AXIN1: variants seen among roughly 807,000 people sequenced by gnomAD.
AXIN1 encodes the protein axin 1.
Under a neutral mutation model 76.4 loss-of-function variants are expected in AXIN1, and 30 were observed. The observed-to-expected ratio is 0.39, with a 90% CI of 0.29 to 0.53. The LOEUF is 0.53. Among genes scored for constraint, AXIN1 ranks in the 20% least tolerant of loss-of-function variants. The pLI is 0.66. For synonymous variants in AXIN1, 545 were observed against 501.4 expected (o/e 1.09, Z -1.16); for missense variants, 1,140 against 1,198.8 (o/e 0.95, Z 0.72).
chr16:310,171 A>C (rs1359681494), intron 3 of AXIN1, 102 bp from the exon 4 acceptor site: 1 of 1,042,160 alleles, frequency 9.6e-7, no homozygotes, highest in Non-Finnish European at 1.4e-6. Flanking sequence ...GCAGGCAATG[A>C]TGAGGACACC....
intron 2 of AXIN1, among the ~76,000 whole-genome samples, chr16:323,904 G>C (rs1334147200): frequency 6.6e-6 from 1 of 152,164 alleles, no homozygotes; most frequent in Non-Finnish European, 1.5e-5. Flanking sequence ...AAGGGAAAAG[G>C]TGTCAACTGC....
intron 2 of AXIN1, among the ~76,000 whole-genome samples, chr16:323,038 C>T (rs866586960): frequency 4.6e-5 from 7 of 152,170 alleles, no homozygotes; most frequent in African/African-American, 1.7e-4. Flanking sequence ...CCTGAAATCC[C>T]AGCACTTGGG....
chr16:326,382 T>A (rs1242349986), intron 2 of AXIN1, among the ~76,000 whole-genome samples: 5 of 131,770 alleles, frequency 3.8e-5, no homozygotes, highest in East Asian at 2.1e-4. Flanking sequence ...AATATATATA[T>A]ATATATATAT....
rs544304077 is a variant in AXIN1 at position 315,863 on chromosome 16, AC to A, written c.879-1181del. 2.2e-3 allele frequency among the ~76,000 whole-genome samples: 326 copies of A among 145,342 alleles called. 3 individuals carry two copies. The highest frequency in any genetic ancestry group is 0.015 in the Admixed American group (213 of 14,208). On this transcript the variant is annotated intron_variant, in intron 2 of 10. Transcript: ENST00000262320. ...AAAAAAAAAAAAAAAGAACAGCCTGACCAACATGGTGAAACCCCATCTCTAG... is the reference window on the plus strand; with the variant it reads ...AAAAAAAAAAAAAAAGAACAGCCTGACAACATGGTGAAACCCCATCTCTAG...
At chr16:322,122 C>T (rs1443436877) in intron 2 of AXIN1, among the ~76,000 whole-genome samples, 1 of 152,196 alleles carries the variant, frequency 6.6e-6, no homozygotes, top group Non-Finnish European at 1.5e-5. Context: ...CACAGAGAGC[C>T]CCGTCTTGTG....
At chr16:302,398 A>G (rs1259251255) in intron 5 of AXIN1, among the ~76,000 whole-genome samples, 1 of 152,240 alleles carries the variant, frequency 6.6e-6, no homozygotes, top group African/African-American at 2.4e-5. Flanking sequence ...CATGGTGGCA[A>G]AACAATTTAC....
At chr16:301,083 A>G (rs914236795) in intron 5 of AXIN1, among the ~76,000 whole-genome samples, 123 of 152,080 alleles carry the variant, frequency 8.1e-4, no homozygotes, top group Admixed American at 2.2e-3. Flanking sequence ...ATCCTGGCTA[A>G]CATGGTGAAA....
At chr16:334,372 A>T (rs1430201625) in intron 2 of AXIN1, among the ~76,000 whole-genome samples, 1 of 150,442 alleles carries the variant, frequency 6.6e-6, no homozygotes, top group East Asian at 2.0e-4. Flanking sequence ...ATAACACAGC[A>T]CCCAGTACCA....
chr16:348,487 G>A (rs1421796154), intron 1 of AXIN1, among the ~76,000 whole-genome samples: 1 of 152,208 alleles, frequency 6.6e-6, no homozygotes, highest in African/African-American at 2.4e-5. Context: ...GCCAACAGCT[G>A]CTCACGGCTG....
In AXIN1 at chr16:303,307, G is replaced by A. The variant is rs1030569815; in HGVS notation, c.1254+997C>T. Among the ~76,000 whole-genome samples the A allele has an allele frequency of 5.3e-5, 8 of 152,222 alleles. No individual in the cohort carries two copies. The East Asian group carries it at 1.4e-3, about 26-fold the overall frequency. On this transcript the variant is annotated intron_variant, in intron 5 of 10. Coordinates refer to ENST00000262320, the MANE Select transcript of AXIN1 (RefSeq NM_003502.4). ...GCAGCGGGGAGGAGCCAGGCCCCGCGTCTTCCTAGGTGGAACCTGGGATTC... is the reference window on the plus strand; with the variant it reads ...GCAGCGGGGAGGAGCCAGGCCCCGCATCTTCCTAGGTGGAACCTGGGATTC...
chr16:352,341 GC>G (rs1235530369), intron 1 of AXIN1, 27 bp downstream of exon 1: 75 of 978,990 alleles, frequency 7.7e-5, no homozygotes, highest in Non-Finnish European at 8.8e-5. Context: ...CCGCGGCCTA[GC>G]CCGCCCCGGA....
intron 7 of AXIN1, among the ~76,000 whole-genome samples, chr16:296,854 G>T (rs1337674600): frequency 2.0e-5 from 3 of 152,120 alleles, no homozygotes; most frequent in East Asian, 3.9e-4. Context: ...TCTCTCTGGG[G>T]ACATGAGGTT....
At chr16:348,493 G>A (rs919636029) in intron 1 of AXIN1, among the ~76,000 whole-genome samples, 3 of 152,172 alleles carry the variant, frequency 2.0e-5, no homozygotes, top group Admixed American at 6.5e-5. Flanking sequence ...AGCTGCTCAC[G>A]GCTGGAAGCA....
Position 288,100 on chromosome 16 carries a change from C to G in AXIN1, c.*22G>C, listed in dbSNP as rs2052436180. 3.1e-6 allele frequency: 5 copies of G among 1,612,996 alleles called. No homozygotes were observed. Among genetic ancestry groups the G allele is most frequent in the Non-Finnish European group, 2.5e-6 (3 of 1,179,998 alleles). On this transcript the variant is annotated 3_prime_UTR_variant, in exon 11 of 11. Coordinates refer to ENST00000262320, the MANE Select transcript of AXIN1 (RefSeq NM_003502.4). ...TGCCCGCCAAGGGCCTCGCCTGGCA[C>G]AGCGGCCAGCCCACCAGCCTATCAG...
rs998871687 is a variant in AXIN1, at chr16:287,862, T to G, written c.*260A>C. Reference sequence around the variant, plus strand: ...TCACCTGAAGCTGGCAGCAGGGACCTCGGCTGCCTCACTTGGGCTGGGCCC... The same window carrying G: ...TCACCTGAAGCTGGCAGCAGGGACCGCGGCTGCCTCACTTGGGCTGGGCCC... On this transcript the variant is annotated 3_prime_UTR_variant, in exon 11 of 11. Transcript: ENST00000262320. 22 of 569,466 alleles carry G rather than the reference T, an allele frequency of 3.9e-5. No homozygotes were observed. The Admixed American group carries it at 6.6e-4, about 17-fold the overall frequency. 35.3% of individuals were successfully genotyped at this position (569,466 alleles called of 1,614,324 possible). A position where few individuals can be genotyped will look rare whatever the true frequency, so the allele number is the denominator to read the frequency against.
intron 2 of AXIN1, 151 bp from the exon 3 acceptor site, chr16:314,834 T>C (rs989025271): frequency 8.8e-6 from 10 of 1,140,604 alleles, no homozygotes; most frequent in Non-Finnish European, 1.3e-5. Context: ...AAGACCAACA[T>C]CTCCACCTGT....
chr16:339,758 C>T (rs2053878965), intron 2 of AXIN1, among the ~76,000 whole-genome samples: 1 of 152,168 alleles, frequency 6.6e-6, no homozygotes, highest in South Asian at 2.1e-4. Context: ...ACCCCCCACA[C>T]CCAGGCAAGG....
At chr16:290,858 C>A (rs2052537518) in intron 9 of AXIN1, 1 of 437,824 alleles carries the variant, frequency 2.3e-6, no homozygotes, top group Non-Finnish European at 4.3e-6. Flanking sequence ...CGGCCCGTTC[C>A]AAGCCGGGTG....
At chr16:338,561 T>C (rs1246870961) in intron 2 of AXIN1, among the ~76,000 whole-genome samples, 1 of 152,278 alleles carries the variant, frequency 6.6e-6, no homozygotes, top group Non-Finnish European at 1.5e-5. Flanking sequence ...TCTGAGACTA[T>C]GGAGCTTTAC....
Sources: allele counts gnomAD v4.1 joint callset (sites outside exome capture counted in the v4.1 genomes callset), GRCh38; gene constraint gnomAD v4.1.1; transcripts MANE v1.5; gene names NCBI Gene and HGNC (gene_info 2026-07-23, HGNC 2026-07-21).